The following MTFP1 variants were observed in gnomAD, a reference collection of about 807,000 sequenced individuals.
MTFP1 encodes mitochondrial fission process protein 1.
Under a neutral mutation model 17.1 loss-of-function variants are expected in MTFP1, and 19 were observed. That is an observed-to-expected ratio of 1.11 (90% confidence interval 0.77 to 1.63). The LOEUF is 1.63. Ranked by LOEUF, MTFP1 falls within the 40% of genes most tolerant of loss-of-function variation. The probability of loss-of-function intolerance (pLI) is 0.00; values close to 1 mark genes in which losing one functional copy is unlikely to be tolerated. For missense variants in MTFP1, 221 were observed against 226.2 expected, an observed-to-expected ratio of 0.98 and a Z score of 0.15; for synonymous variants, 89 against 95.2, an observed-to-expected ratio of 0.93 and a Z score of 0.38.
At chr22:30,426,868 C>T (rs1193239028) in intron 2 of MTFP1, 24 bp downstream of exon 2, 2 of 1,604,882 alleles carry the variant, frequency 1.2e-6, no homozygotes, top group Non-Finnish European at 1.7e-6. Context: ...TATTTTCCAA[C>T]CCCCAACCCT....
chr22:30,427,548 T>C (rs753972297), intron 3 of MTFP1, 145 bp downstream of exon 3: 34 of 866,596 alleles, frequency 3.9e-5, no homozygotes, highest in Admixed American at 1.0e-4. Context: ...GGCACTTGGC[T>C]CCTGGGTTAG....
At chr22:30,426,568 A>T (rs893593054) in intron 1 of MTFP1, 149 bp from the exon 2 acceptor site, 7 of 1,049,798 alleles carry the variant, frequency 6.7e-6, no homozygotes, top group South Asian at 4.8e-5. Context: ...GCACCAGTTT[A>T]CATCTCGGAA....
rs751909943 is a variant in MTFP1, at chr22:30,426,828, G to T, written c.179G>T (p.Gly60Val). ...SYVLADAIDKGKKAGEVPSPE... is the reference protein window; with the variant it reads ...SYVLADAIDKVKKAGEVPSPE... ...GTGCTGGCGGATGCCATTGACAAAGGCAAGAAGGCTGGAGAGGTGAGTGTT... is the reference window on the plus strand; with the variant it reads ...GTGCTGGCGGATGCCATTGACAAAGTCAAGAAGGCTGGAGAGGTGAGTGTT... Residue 60 changes from glycine to valine, a missense_variant, in exon 2 of 4, where the codon GGC (glycine) becomes GTC (valine). By Grantham distance (109) the Gly-to-Val change is moderately radical (BLOSUM62 -3). Coordinates refer to ENST00000266263, the MANE Select transcript of MTFP1 (RefSeq NM_016498.5). The T allele has an allele frequency of 6.2e-7, 1 of 1,612,072 alleles. No individual in the cohort carries two copies. The highest frequency in any genetic ancestry group is 2.2e-5 in the East Asian group (1 of 44,888).
In MTFP1 at chr22:30,425,828, C is replaced by G; in HGVS notation, c.-52C>G. On this transcript the variant is annotated 5_prime_UTR_variant, in exon 1 of 4. Transcript: ENST00000266263. ...CAGACCCAAGTGCCGGCGGCGGAGACTGCAGTGGAGCCAGTACCGGCTGTA... is the reference window on the plus strand; with the variant it reads ...CAGACCCAAGTGCCGGCGGCGGAGAGTGCAGTGGAGCCAGTACCGGCTGTA... 6.7e-7 allele frequency: 1 copy of G among 1,495,774 alleles called. No homozygotes were observed. Among genetic ancestry groups the G allele is most frequent in the Non-Finnish European group, 8.9e-7 (1 of 1,121,772 alleles). 92.7% of individuals were successfully genotyped at this position (1,495,774 alleles called of 1,614,324 possible). A position where few individuals can be genotyped will look rare whatever the true frequency, so the allele number is the denominator to read the frequency against.
At chr22:30,428,350 T>C (rs1934706645) in intron 3 of MTFP1, 112 bp from the exon 4 acceptor site, 2 of 870,770 alleles carry the variant, frequency 2.3e-6, no homozygotes, top group East Asian at 5.3e-5. Context: ...TCTGGCTGGA[T>C]GGCATTTGTA....
Position 30,428,916 on chromosome 22 carries a change from A to G in MTFP1, c.*382A>G. 1 of 539,964 alleles carries G rather than the reference A, an allele frequency of 1.9e-6. No homozygotes were observed. The highest frequency in any genetic ancestry group is 3.3e-6 in the Non-Finnish European group (1 of 300,172). 33.4% of individuals were successfully genotyped at this position (539,964 alleles called of 1,614,324 possible). A position where few individuals can be genotyped will look rare whatever the true frequency, so the allele number is the denominator to read the frequency against. ...CACCCAGGACCCCCAGGTGCTTGAC[A>G]GAGTCACCCCATGGTGGTATGGCTG... is the stretch of plus-strand genomic sequence containing the variant. On this transcript the variant is annotated 3_prime_UTR_variant, in exon 4 of 4. Transcript: ENST00000266263.
At chr22:30,428,319 G>A (rs1321535827) in intron 3 of MTFP1, 143 bp from the exon 4 acceptor site, 1 of 657,662 alleles carries the variant, frequency 1.5e-6, no homozygotes, top group African/African-American at 1.8e-5. Context: ...CAAGGTGGAA[G>A]GATCAGGATA....
chr22:30,428,594 T>C lies in MTFP1; in HGVS notation c.*60T>C, dbSNP rs1464602041. The C allele has an allele frequency of 1.2e-6, 2 of 1,614,156 alleles. No homozygotes were observed. The highest frequency in any genetic ancestry group is 2.2e-5 in the South Asian group (2 of 91,084). On this transcript the variant is annotated 3_prime_UTR_variant, in exon 4 of 4. Transcript: ENST00000266263. ...CTGCTTCATGTCAACCTCCTACTCC[T>C]GCCAGGGAATGTGGACACCTGGCTC...
chr22:30,428,167 A>G (rs1934704123), intron 3 of MTFP1, among the ~76,000 whole-genome samples: 1 of 152,204 alleles, frequency 6.6e-6, no homozygotes, highest in African/African-American at 2.4e-5. Flanking sequence ...TGTAAGAGTG[A>G]GAGGAGCAGT....
Position 30,425,773 on chromosome 22 carries a change from G to C in MTFP1, c.-107G>C, listed in dbSNP as rs995429718. 6 of 1,194,922 alleles carry C rather than the reference G, an allele frequency of 5.0e-6. No homozygotes were observed. The highest frequency in any genetic ancestry group is 4.7e-5 in the South Asian group (3 of 63,942). 74.0% of individuals were successfully genotyped at this position (1,194,922 alleles called of 1,614,324 possible). On this transcript the variant is annotated 5_prime_UTR_variant, in exon 1 of 4. Coordinates refer to ENST00000266263, the MANE Select transcript of MTFP1 (RefSeq NM_016498.5). ...CGGAGATTTCCTGACCTGTCCTTCGGCGCGGGACTTTCGGCGGGTCCCGGC... is the reference window on the plus strand; with the variant it reads ...CGGAGATTTCCTGACCTGTCCTTCGCCGCGGGACTTTCGGCGGGTCCCGGC...
chr22:30,425,981 A>G, intron 1 of MTFP1, 35 bp downstream of exon 1: 3 of 1,468,328 alleles, frequency 2.0e-6, no homozygotes, highest in South Asian at 1.4e-5. Flanking sequence ...CGACCCCACC[A>G]CCACTGGGCT....
chr22:30,427,435 A>C, intron 3 of MTFP1, 32 bp downstream of exon 3: 5 of 1,585,574 alleles, frequency 3.2e-6, no homozygotes, highest in Non-Finnish European at 4.3e-6. Flanking sequence ...GGGATCATCC[A>C]CTCTCCAGTG....
intron 2 of MTFP1, 131 bp from the exon 3 acceptor site, chr22:30,427,040 C>A: frequency 1.5e-6 from 2 of 1,341,114 alleles, no homozygotes; most frequent in Non-Finnish European, 1.1e-6. Context: ...CTGGATGTGG[C>A]AGACTGTACC....
chr22:30,427,589 A>G (rs1279171418), intron 3 of MTFP1, among the ~76,000 whole-genome samples, 186 bp downstream of exon 3: 3 of 152,186 alleles, frequency 2.0e-5, no homozygotes, highest in Non-Finnish European at 2.9e-5. Context: ...GTCATATGGT[A>G]TGGCAGGCAC....
chr22:30,427,083 C>T (rs1317165540), intron 2 of MTFP1, 88 bp from the exon 3 acceptor site: 1 of 1,484,800 alleles, frequency 6.7e-7, no homozygotes, highest in Admixed American at 1.7e-5. Flanking sequence ...CCACTGGCCA[C>T]TTGCCCCTCC....
intron 1 of MTFP1, among the ~76,000 whole-genome samples, chr22:30,426,237 C>T (rs1009228536): frequency 3.0e-4 from 45 of 152,186 alleles, no homozygotes; most frequent in African/African-American, 1.0e-3. Context: ...CTGACACGCA[C>T]TGGCTCTGTC....
Position 30,426,832 on chromosome 22 carries a change from G to T in MTFP1, c.183G>T (p.Lys61Asn). ...YVLADAIDKGKKAGEVPSPEA... is the reference protein window; with the variant it reads ...YVLADAIDKGNKAGEVPSPEA... ...TGGCGGATGCCATTGACAAAGGCAA[G>T]AAGGCTGGAGAGGTGAGTGTTAGCC... is the stretch of plus-strand genomic sequence containing the variant. Residue 61 changes from lysine to asparagine, a missense_variant, in exon 2 of 4, where the codon AAG (lysine) becomes AAT (asparagine). Coordinates refer to ENST00000266263, the MANE Select transcript of MTFP1 (RefSeq NM_016498.5). The T allele has an allele frequency of 6.2e-7, 1 of 1,611,392 alleles. No homozygotes were observed.
In MTFP1 at chr22:30,428,498, G is replaced by T; in HGVS notation, c.465G>T (p.Lys155Asn). 6.2e-7 allele frequency: 1 copy of T among 1,614,172 alleles called. No individual in the cohort carries two copies. The highest frequency in any genetic ancestry group is 1.3e-5 in the African/African-American group (1 of 75,040). Residue 155 changes from lysine (K) to asparagine (N), a missense_variant, in exon 4 of 4, where the codon AAG becomes AAT. Coordinates refer to ENST00000266263, the MANE Select transcript of MTFP1 (RefSeq NM_016498.5). The stretch of plus-strand genomic sequence containing the variant: ...TCCTCCTGGACTCCAGCCTGCGCAA[G>T]CTCTACCCAACAGTGGGGAAGCCCA... ...VDFLLDSSLR[K>N]LYPTVGKPSS...
chr22:30,425,917 T>A lies in MTFP1; in HGVS notation c.38T>A (p.Leu13His). The A allele has an allele frequency of 1.3e-6, 2 of 1,534,572 alleles. No individual in the cohort carries two copies. Among genetic ancestry groups the A allele is most frequent in the Non-Finnish European group, 1.8e-6 (2 of 1,140,928 alleles). The change falls in exon 1 of 4, where the codon CTC becomes CAC. Residue 13 changes from leucine (L) to histidine (H), a missense_variant. Physicochemically the swap from Leu to His is moderately conservative, Grantham distance 99. Coordinates refer to ENST00000266263, the MANE Select transcript of MTFP1 (RefSeq NM_016498.5). ...EPQPRGAERDLYRDTWVRYLG... is the reference protein window; with the variant it reads ...EPQPRGAERDHYRDTWVRYLG... ...CAGCCGCGGGGCGCAGAGCGCGATC[T>A]CTACCGGGACACGTGGGTGCGATAC...
Sources: allele counts gnomAD v4.1 joint callset (sites outside exome capture counted in the v4.1 genomes callset), GRCh38; gene constraint gnomAD v4.1.1; transcripts MANE v1.5; gene names NCBI Gene and HGNC (gene_info 2026-07-23, HGNC 2026-07-21).